Variants in CORO2B observed in about 807,000 individuals in gnomAD.
The protein encoded by CORO2B is coronin-2B.
Under a neutral mutation model 58.8 loss-of-function variants are expected in CORO2B, and 26 were observed. The ratio of observed to expected loss-of-function variants is 0.44; its 90% CI spans 0.32 to 0.61. CORO2B has a LOEUF of 0.61. Among genes scored for constraint, CORO2B ranks in the 20% least tolerant of loss-of-function variants. The pLI, the probability that CORO2B is intolerant of heterozygous loss-of-function variation, is 0.04. For synonymous variants in CORO2B, 242 were observed against 253.8 expected (o/e 0.95, Z 0.44); for missense variants, 460 against 645.1 (o/e 0.71, Z 3.11).
intron 1 of CORO2B, among the ~76,000 whole-genome samples, chr15:68,592,081 G>C (rs943927857): frequency 6.6e-6 from 1 of 152,074 alleles, no homozygotes; most frequent in African/African-American, 2.4e-5. Context: ...CCCTTCCCCG[G>C]TGTCCCCAGA....
At chr15:68,603,222 A>G (rs1900026639) in intron 1 of CORO2B, among the ~76,000 whole-genome samples, 1 of 152,230 alleles carries the variant, frequency 6.6e-6, no homozygotes, top group African/African-American at 2.4e-5. Flanking sequence ...ACGTGGTCGC[A>G]GTAGGTGCTT....
chr15:68,628,123 A>G lies in CORO2B; in HGVS notation c.16-17037A>G, dbSNP rs575635381. Among the ~76,000 whole-genome samples the G allele has an allele frequency of 3.8e-4, 58 of 152,356 alleles. No individual in the cohort carries two copies. The South Asian group carries it at 0.011, about 29-fold the overall frequency. On this transcript the variant is annotated intron_variant, in intron 1 of 11. Coordinates refer to ENST00000261861, the MANE Select transcript of CORO2B (RefSeq NM_006091.5). ...GGCTTTGCATATATTAGTAATAACA[A>G]TGATAAATATTCAACAATAATGGTA...
At position 68,727,127 on chromosome 15, in the gene CORO2B, G is replaced by A. The variant is rs1893322750; in HGVS notation, c.*1153G>A. 6.6e-6 allele frequency: 1 copy of A among 152,648 alleles called. No homozygotes were observed. The highest frequency in any genetic ancestry group is 1.5e-5 in the Non-Finnish European group (1 of 68,072). 9.5% of individuals were successfully genotyped at this position (152,648 alleles called of 1,614,324 possible). On this transcript the variant is annotated 3_prime_UTR_variant, in exon 12 of 12. Coordinates refer to ENST00000261861, the MANE Select transcript of CORO2B (RefSeq NM_006091.5). ...TGGCTTCTAGGGATGCTCTGCGTGT[G>A]TCTCAGCACCGCTATCTCAGCCACT...
At chr15:68,570,153 G>A in the CORO2B span, among the ~76,000 whole-genome samples, 10 of 152,334 alleles carry the variant, frequency 6.6e-5, no homozygotes, top group African/African-American at 2.4e-4. Context: ...GGAAGAGCTA[G>A]GCTTGGAGTT....
the CORO2B span, among the ~76,000 whole-genome samples, chr15:68,539,058 A>G: frequency 8.2e-4 from 125 of 152,354 alleles, 1 homozygote; most frequent in East Asian, 0.022. Flanking sequence ...GAAGTGTATT[A>G]AGCTATTTAA....
At chr15:68,534,280 ACACACCTGCACATATGTGTG>A in the CORO2B span, among the ~76,000 whole-genome samples, 1 of 152,242 alleles carries the variant, frequency 6.6e-6, no homozygotes, top group Non-Finnish European at 1.5e-5. Context: ...ATATGTGTAC[ACACACCTGCACATATGTGTG>A]CACACATGCA....
chr15:68,664,503 C>T (rs868770239), intron 2 of CORO2B, among the ~76,000 whole-genome samples: 7 of 152,104 alleles, frequency 4.6e-5, no homozygotes, highest in South Asian at 4.2e-4. Context: ...AAAAATTAGC[C>T]GGCCATGGTG....
the CORO2B span, among the ~76,000 whole-genome samples, chr15:68,573,646 CAG>C: frequency 6.6e-6 from 1 of 151,992 alleles, no homozygotes; most frequent in Non-Finnish European, 1.5e-5. Context: ...ACAAAACAGA[CAG>C]AAAGGGAGAA....
At chr15:68,706,858 C>A (rs1892797570) in intron 3 of CORO2B, among the ~76,000 whole-genome samples, 1 of 152,124 alleles carries the variant, frequency 6.6e-6, no homozygotes, top group Non-Finnish European at 1.5e-5. Context: ...ACTACAGGAG[C>A]ATGCCACCAC....
At chr15:68,711,782 A>G (rs1439423804) in intron 5 of CORO2B, 76 bp downstream of exon 5, 1 of 1,559,284 alleles carries the variant, frequency 6.4e-7, no homozygotes, top group Non-Finnish European at 8.8e-7. Context: ...GGCCTGGAAG[A>G]AAAAGGCTGT....
Position 68,710,778 on chromosome 15 carries a change from C to A in CORO2B, c.380C>A (p.Thr127Lys). ...IPEGGLKRNM[T>K]EALLELHGHS... ...GAGGGCGGGCTGAAGCGGAACATGACGGAGGCGCTCCTGGAGCTGCACGGG... is the reference window on the plus strand; with the variant it reads ...GAGGGCGGGCTGAAGCGGAACATGAAGGAGGCGCTCCTGGAGCTGCACGGG... The change falls in exon 4 of 12, where the codon ACG becomes AAG. Residue 127 changes from threonine to lysine, a missense_variant. Thr to Lys is a moderately conservative substitution (Grantham distance 78). This residue lies in a region of CORO2B where 352 missense variants were observed against 543.0 expected (regional missense o/e 0.65). Coordinates refer to ENST00000261861, the MANE Select transcript of CORO2B (RefSeq NM_006091.5). This position sits in a 1 kb window ranked among gnomAD's most constrained non-coding sequence, Gnocchi z 4.1. The A allele has an allele frequency of 6.2e-7, 1 of 1,612,244 alleles. No homozygotes were observed. The highest frequency in any genetic ancestry group is 8.5e-7 in the Non-Finnish European group (1 of 1,179,254).
At chr15:68,701,503 T>TGA (rs1567013970) in intron 3 of CORO2B, among the ~76,000 whole-genome samples, 1 of 116,726 alleles carries the variant, frequency 8.6e-6, no homozygotes, top group African/African-American at 3.5e-5. Context: ...TTTTTTTTTT[T>TGA]GAGACGGAGT....
intron 1 of CORO2B, among the ~76,000 whole-genome samples, chr15:68,631,697 G>A (rs1207111561): frequency 2.6e-5 from 4 of 152,208 alleles, no homozygotes; most frequent in Non-Finnish European, 5.9e-5. Context: ...CAGGTGCCAG[G>A]GGGCAGGGTG....
At chr15:68,689,268 G>A (rs1428053838) in intron 2 of CORO2B, among the ~76,000 whole-genome samples, 2 of 151,960 alleles carry the variant, frequency 1.3e-5, no homozygotes, top group South Asian at 2.1e-4. Context: ...CCCCAGCTCT[G>A]TTGAGACTGA....
the CORO2B span, among the ~76,000 whole-genome samples, chr15:68,553,740 G>A: frequency 1.3e-5 from 2 of 152,246 alleles, no homozygotes; most frequent in South Asian, 2.1e-4. Flanking sequence ...GCCATAAGCA[G>A]GACTGCCCCT....
At chr15:68,541,845 G>A in the CORO2B span, among the ~76,000 whole-genome samples, 1 of 152,136 alleles carries the variant, frequency 6.6e-6, no homozygotes, top group Non-Finnish European at 1.5e-5. Flanking sequence ...GCTCTTTGGA[G>A]TTCTCCGTCT....
Position 68,656,075 on chromosome 15 carries a change from A to C in CORO2B, c.216+10715A>C, listed in dbSNP as rs373323634. On this transcript the variant is annotated intron_variant, in intron 2 of 11. Coordinates refer to ENST00000261861, the MANE Select transcript of CORO2B (RefSeq NM_006091.5). The stretch of plus-strand genomic sequence containing the variant: ...CTGTTTGCCCTGCCTGAGAAACTTC[A>C]GGCCTGATTTAGTCCTTAGGGCAGT... Among the ~76,000 whole-genome samples the C allele has an allele frequency of 6.2e-4, 95 of 152,166 alleles. No homozygotes were observed. The South Asian group carries it at 0.013, about 20-fold the overall frequency.
the CORO2B span, among the ~76,000 whole-genome samples, chr15:68,527,036 AG>A: frequency 2.0e-5 from 3 of 152,164 alleles, no homozygotes; most frequent in Non-Finnish European, 4.4e-5. Flanking sequence ...AGGCCGTGGG[AG>A]GACACAGTGA....
At chr15:68,670,070 G>C (rs927719321) in intron 2 of CORO2B, among the ~76,000 whole-genome samples, 2 of 148,006 alleles carry the variant, frequency 1.4e-5, no homozygotes, top group African/African-American at 5.2e-5. Context: ...AAAAAAAAAG[G>C]GGGGGAAAAA....
Sources: gnomAD v4.1 joint callset for allele counts (sites outside exome capture counted in the v4.1 genomes callset) on GRCh38, gnomAD v4.1.1 for gene constraint, gnomAD v4.1.1 regional missense constraint, Gnocchi (gnomAD v3.1) non-coding constraint, MANE v1.5 for transcripts, NCBI Gene and HGNC (gene_info 2026-07-23, HGNC 2026-07-21) for gene names.